The following PCCA variants were observed in gnomAD, a reference collection of about 807,000 sequenced individuals.
The protein encoded by PCCA is propionyl-CoA carboxylase subunit alpha.
Under a neutral mutation model 101.3 loss-of-function variants are expected in PCCA, and 74 were observed. The ratio of observed to expected loss-of-function variants is 0.73; its 90% CI spans 0.61 to 0.89. The LOEUF is 0.89. Ranked by LOEUF, PCCA falls within the 40% of genes least tolerant of loss-of-function variation. The pLI is 0.00. For missense variants in PCCA, 891 were observed against 907.0 expected (o/e 0.98, Z 0.23); for synonymous variants, 294 against 313.6 (o/e 0.94, Z 0.66).
At chr13:100,096,315 G>T (rs1219325567) in intron 1 of PCCA, among the ~76,000 whole-genome samples, 2 of 151,956 alleles carry the variant, frequency 1.3e-5, no homozygotes, top group Non-Finnish European at 2.9e-5. Flanking sequence ...AGTGATCTTC[G>T]ATATTCTTAT....
At position 100,119,866 on chromosome 13, in the gene PCCA, A is replaced by ATTATTTAT. The variant is rs573303859; in HGVS notation, c.300+7820_300+7827dup. ...GATGCAGACTGATTTTCATTTTTATATTATTTATTTATTTATTTATTTGAG... is the reference window on the plus strand; with the variant it reads ...GATGCAGACTGATTTTCATTTTTATATTATTTATTTATTTATTTATTTATTTATTTGAG... On this transcript the variant is annotated intron_variant, in intron 4 of 23. Coordinates refer to ENST00000376285, the MANE Select transcript of PCCA (RefSeq NM_000282.4). Among the ~76,000 whole-genome samples, 17 of 151,824 alleles carry ATTATTTAT rather than the reference A, an allele frequency of 1.1e-4. No individual in the cohort carries two copies. In the East Asian group the frequency reaches 3.3e-3, roughly 29 times the overall value.
chr13:100,178,595 T>G (rs1000968724), intron 6 of PCCA, among the ~76,000 whole-genome samples: 1 of 152,168 alleles, frequency 6.6e-6, no homozygotes, highest in Non-Finnish European at 1.5e-5. Context: ...ATGCACCAAA[T>G]TTAGAAGGAT....
intron 19 of PCCA, among the ~76,000 whole-genome samples, chr13:100,393,678 A>T (rs1291447176): frequency 6.6e-6 from 1 of 152,066 alleles, no homozygotes; most frequent in Non-Finnish European, 1.5e-5. Context: ...CGGGCTCCCA[A>T]AGTGTTGGGA....
chr13:100,112,767 G>C (rs1163243687), intron 4 of PCCA, among the ~76,000 whole-genome samples: 2 of 151,904 alleles, frequency 1.3e-5, no homozygotes, highest in Non-Finnish European at 2.9e-5. Context: ...GTAGAGACAG[G>C]GTTTCACCAA....
chr13:100,129,087 T>G (rs1836197464), intron 4 of PCCA, among the ~76,000 whole-genome samples: 1 of 152,208 alleles, frequency 6.6e-6, no homozygotes, highest in African/African-American at 2.4e-5. Flanking sequence ...CCTTCGGGCT[T>G]CTTGTATCTG....
At chr13:100,379,414 A>G (rs2076102770) in intron 19 of PCCA, among the ~76,000 whole-genome samples, 1 of 152,228 alleles carries the variant, frequency 6.6e-6, no homozygotes, top group African/African-American at 2.4e-5. Context: ...ATTTAACAAA[A>G]GAAGTATAAA....
chr13:100,375,856 A>T (rs923515841), intron 19 of PCCA, among the ~76,000 whole-genome samples: 1 of 152,226 alleles, frequency 6.6e-6, no homozygotes, highest in African/African-American at 2.4e-5. Flanking sequence ...GGCAAATTGG[A>T]TAGAGTGAAG....
At chr13:100,460,772 G>A (rs2082114889) in intron 21 of PCCA, among the ~76,000 whole-genome samples, 1 of 152,180 alleles carries the variant, frequency 6.6e-6, no homozygotes, top group Admixed American at 6.5e-5. Flanking sequence ...AAGCACTTAT[G>A]AAGTAACAGC....
intron 4 of PCCA, among the ~76,000 whole-genome samples, chr13:100,130,499 A>C (rs1455671745): frequency 6.6e-6 from 1 of 152,246 alleles, no homozygotes; most frequent in African/African-American, 2.4e-5. Context: ...AATTAGATGC[A>C]CTGAAAAGCA....
chr13:100,200,616 C>T (rs2058420112), intron 6 of PCCA, among the ~76,000 whole-genome samples: 1 of 150,234 alleles, frequency 6.7e-6, no homozygotes, highest in Non-Finnish European at 1.5e-5. Context: ...GCTTATAATA[C>T]AATATGTTAT....
chr13:100,361,161 T>A (rs2074535569), intron 18 of PCCA, among the ~76,000 whole-genome samples: 1 of 151,924 alleles, frequency 6.6e-6, no homozygotes, highest in Non-Finnish European at 1.5e-5. Context: ...AATAAATAGG[T>A]GGAACAGGGG....
At chr13:100,211,472 G>A (rs2059208763) in intron 7 of PCCA, among the ~76,000 whole-genome samples, 1 of 152,106 alleles carries the variant, frequency 6.6e-6, no homozygotes, top group Admixed American at 6.5e-5. Context: ...CAATCTTTGA[G>A]CAACATTTGA....
chr13:100,486,329 C>T (rs1455050058), intron 21 of PCCA, among the ~76,000 whole-genome samples: 1 of 152,150 alleles, frequency 6.6e-6, no homozygotes, highest in African/African-American at 2.4e-5. Flanking sequence ...GTACTGAGAC[C>T]CAAGTCCACC....
chr13:100,182,041 G>C (rs959680711), intron 6 of PCCA, among the ~76,000 whole-genome samples: 4 of 146,024 alleles, frequency 2.7e-5, no homozygotes, highest in Non-Finnish European at 1.5e-5. Flanking sequence ...ACTGCCCCTT[G>C]TATTAGATTT....
In PCCA at chr13:100,349,120, TTTTG is replaced by T. The variant is rs200111301; in HGVS notation, c.1643+8877_1643+8880del. ...GCCAGGCCCGGCTAATTTTTGTATT[TTTTG>T]TTTGTTTGTTTGTTTTGAGACGGAG... On this transcript the variant is annotated intron_variant, in intron 18 of 23. Coordinates refer to ENST00000376285, the MANE Select transcript of PCCA (RefSeq NM_000282.4). 5.3e-3 allele frequency among the ~76,000 whole-genome samples: 759 copies of T among 143,366 alleles called. 3 individuals are homozygous for T. The highest frequency in any genetic ancestry group is 0.019 in the African/African-American group (723 of 38,116). 94.1% of individuals were successfully genotyped at this position (143,366 alleles called of 152,430 possible).
chr13:100,293,092 A>C, intron 12 of PCCA: 1 of 374,582 alleles, frequency 2.7e-6, no homozygotes. Flanking sequence ...AGAGAGGAAT[A>C]AAATCTTAAT....
intron 10 of PCCA, among the ~76,000 whole-genome samples, chr13:100,267,515 T>C (rs2063023252): frequency 6.6e-6 from 1 of 152,254 alleles, no homozygotes; most frequent in Non-Finnish European, 1.5e-5. Flanking sequence ...TTATCTGCTA[T>C]TTATAATGCA....
chr13:100,329,752 C>T (rs1357066670), intron 16 of PCCA, among the ~76,000 whole-genome samples: 1 of 152,080 alleles, frequency 6.6e-6, no homozygotes, highest in Non-Finnish European at 1.5e-5. Flanking sequence ...CAAGAAGAAG[C>T]TCCAAAGCAC....
At chr13:100,523,528 A>C (rs1385556236) in intron 22 of PCCA, among the ~76,000 whole-genome samples, 2 of 152,150 alleles carry the variant, frequency 1.3e-5, no homozygotes, top group African/African-American at 2.4e-5. Flanking sequence ...AGCACAGAGC[A>C]ATGCTGGGTG....
Sources: allele counts gnomAD v4.1 joint callset (sites outside exome capture counted in the v4.1 genomes callset), GRCh38; gene constraint gnomAD v4.1.1; transcripts MANE v1.5; gene names NCBI Gene and HGNC (gene_info 2026-07-23, HGNC 2026-07-21).